CNGB3: variants seen among roughly 807,000 people sequenced by gnomAD.
The protein encoded by CNGB3 is cyclic nucleotide gated channel subunit beta 3, also known as cyclic nucleotide-gated channel beta-3.
A neutral mutation model predicts 92.8 loss-of-function variants in CNGB3; 86 were observed. That is an observed-to-expected ratio of 0.93 (90% CI 0.78 to 1.11). The LOEUF (loss-of-function observed/expected upper bound fraction) is 1.11. Among genes scored for constraint, CNGB3 ranks in the 50% least tolerant of loss-of-function variants. CNGB3 has a pLI of 0.00. For missense variants in CNGB3, 1,026 were observed against 956.8 expected (o/e 1.07, Z -0.95); for synonymous variants, 333 against 332.7 (o/e 1.00, Z -0.01).
chr8:86,595,885 A>G (rs923231998), intron 15 of CNGB3, among the ~76,000 whole-genome samples: 1 of 152,236 alleles, frequency 6.6e-6, no homozygotes, highest in African/African-American at 2.4e-5. Context: ...GCCATTTCAC[A>G]TTGATATAAA....
intron 15 of CNGB3, among the ~76,000 whole-genome samples, chr8:86,585,737 C>T (rs963147067): frequency 1.7e-4 from 26 of 152,070 alleles, no homozygotes; most frequent in African/African-American, 5.3e-4. Context: ...GTAAAGGGGC[C>T]ATTCTGCAAA....
At position 86,575,892 on chromosome 8, in the gene CNGB3, C is replaced by T. The variant is rs772444831; in HGVS notation, c.2342G>A (p.Arg781His). Residue 781 changes from arginine to histidine, a missense_variant, in exon 18 of 18, where the codon CGT (arginine) becomes CAT (histidine). Coordinates refer to ENST00000320005, the MANE Select transcript of CNGB3 (RefSeq NM_019098.5). ...AGCCATGCTGATAATGAGTGATTGA[C>T]GAGAAGTCCCTCTGGGTAAAACTGT... Reference protein sequence around the residue: ...RRTVLPRGTSRQSLIISMAPS... With the variant: ...RRTVLPRGTSHQSLIISMAPS... 39 of 1,613,110 alleles carry T rather than the reference C, an allele frequency of 2.4e-5. No individual in the cohort carries two copies. Among genetic ancestry groups the T allele is most frequent in the African/African-American group, 8.0e-5 (6 of 74,864 alleles).
chr8:86,660,369 C>T, intron 6 of CNGB3: 1 of 416,506 alleles, frequency 2.4e-6, no homozygotes, highest in East Asian at 5.8e-5. Context: ...CAGTCATCTA[C>T]CGGGCAGATG....
In CNGB3 at chr8:86,726,676, CATAG is replaced by C. The variant is rs769901819; in HGVS notation, c.212-23_212-20del. 100 of 1,612,938 alleles carry C rather than the reference CATAG, an allele frequency of 6.2e-5. 1 individual carries two copies. The South Asian group carries it at 1.1e-3, about 18-fold the overall frequency. ...AGTTTGTCTATGAAAAAAAAATTCA[CATAG>C]ATAGAAGAATGTACAACACTCTTGA... On this transcript the variant is annotated intron_variant, in intron 2 of 17. Coordinates refer to ENST00000320005, the MANE Select transcript of CNGB3 (RefSeq NM_019098.5).
chr8:86,593,677 CA>C, intron 15 of CNGB3: 1 of 641,530 alleles, frequency 1.6e-6, no homozygotes, highest in Non-Finnish European at 2.8e-6. Context: ...TGTCTGCCCA[CA>C]GCCAGACCTC....
intron 3 of CNGB3, among the ~76,000 whole-genome samples, chr8:86,677,470 C>A (rs1397341156): frequency 1.3e-5 from 2 of 152,090 alleles, no homozygotes; most frequent in East Asian, 1.9e-4. Flanking sequence ...GGGAGGACTG[C>A]GTGGTAGATA....
At chr8:86,648,419 A>C (rs1364587546) in intron 7 of CNGB3, among the ~76,000 whole-genome samples, 1 of 151,228 alleles carries the variant, frequency 6.6e-6, no homozygotes, top group Non-Finnish European at 1.5e-5. Context: ...CTGCTTTAAA[A>C]GTATCTATCA....
intron 3 of CNGB3, among the ~76,000 whole-genome samples, chr8:86,682,572 T>C (rs532884556): frequency 2.6e-5 from 4 of 152,102 alleles, no homozygotes; most frequent in Non-Finnish European, 5.9e-5. Context: ...GGTCTGGAGA[T>C]GAAAGCAGAA....
At chr8:86,586,686 A>G (rs1321654754) in intron 15 of CNGB3, among the ~76,000 whole-genome samples, 8 of 151,110 alleles carry the variant, frequency 5.3e-5, no homozygotes, top group Non-Finnish European at 1.0e-4. Flanking sequence ...TTATGGCTGC[A>G]TAGTATTCCA....
chr8:86,671,331 T>G (rs1414452457), intron 3 of CNGB3, among the ~76,000 whole-genome samples: 3 of 152,226 alleles, frequency 2.0e-5, no homozygotes, highest in Admixed American at 2.0e-4. Context: ...TTGACCATAT[T>G]GGATCTTGAT....
At chr8:86,584,444 C>G (rs1821854081) in intron 15 of CNGB3, among the ~76,000 whole-genome samples, 1 of 152,158 alleles carries the variant, frequency 6.6e-6, no homozygotes, top group South Asian at 2.1e-4. Context: ...TGAGATTTCT[C>G]AAGTTTTAAT....
chr8:86,673,509 T>TCCCATGTGATCTATTGAG (rs1229706259), intron 3 of CNGB3, among the ~76,000 whole-genome samples: 1 of 152,064 alleles, frequency 6.6e-6, no homozygotes, highest in Non-Finnish European at 1.5e-5. Flanking sequence ...GTTATGATGG[T>TCCCATGTGATCTATTGAG]CCCATGTGAT....
chr8:86,620,297 A>T (rs1054634668), intron 13 of CNGB3, among the ~76,000 whole-genome samples: 3 of 152,174 alleles, frequency 2.0e-5, no homozygotes, highest in African/African-American at 7.2e-5. Context: ...TAAACAACAG[A>T]AATTATTTTC....
At chr8:86,715,498 A>G (rs1403820816) in intron 3 of CNGB3, among the ~76,000 whole-genome samples, 2 of 152,032 alleles carry the variant, frequency 1.3e-5, no homozygotes, top group African/African-American at 2.4e-5. Context: ...GAAAGGGGGA[A>G]ATCACCACAT....
intron 3 of CNGB3, among the ~76,000 whole-genome samples, chr8:86,714,981 C>T (rs957088151): frequency 1.3e-5 from 2 of 152,096 alleles, no homozygotes; most frequent in African/African-American, 4.8e-5. Context: ...ACAACAGCCA[C>T]AGCAAACCCC....
At chr8:86,622,827 A>T (rs1364934145) in intron 13 of CNGB3, among the ~76,000 whole-genome samples, 3 of 152,236 alleles carry the variant, frequency 2.0e-5, no homozygotes, top group Admixed American at 6.5e-5. Flanking sequence ...TAAATTTTGT[A>T]ATACATTTTA....
intron 3 of CNGB3, among the ~76,000 whole-genome samples, chr8:86,702,454 A>G (rs147100504): frequency 2.0e-5 from 3 of 152,294 alleles, no homozygotes; most frequent in Admixed American, 2.0e-4. Flanking sequence ...GACCATGAAG[A>G]TTTTATACAT....
chr8:86,580,030 C>T (rs1563712963), intron 15 of CNGB3, among the ~76,000 whole-genome samples: 1 of 152,142 alleles, frequency 6.6e-6, no homozygotes, highest in African/African-American at 2.4e-5. Flanking sequence ...CTCAATTCTG[C>T]ATCACTGGCG....
chr8:86,655,374 T>C (rs575174736), intron 6 of CNGB3, among the ~76,000 whole-genome samples: 1 of 152,306 alleles, frequency 6.6e-6, no homozygotes, highest in Non-Finnish European at 1.5e-5. Context: ...AAAGCTCTAC[T>C]TTCTGTTTTC....
Sources: allele counts gnomAD v4.1 joint callset (sites outside exome capture counted in the v4.1 genomes callset), GRCh38; gene constraint gnomAD v4.1.1; transcripts MANE v1.5; gene names NCBI Gene and HGNC (gene_info 2026-07-23, HGNC 2026-07-21).